Variants in ADGRB1 observed in about 807,000 individuals in gnomAD.
ADGRB1 encodes brain-specific angiogenesis inhibitor 1.
A neutral mutation model predicts 175.7 loss-of-function variants in ADGRB1; 36 were observed. The ratio of observed to expected loss-of-function variants is 0.20; its 90% CI spans 0.16 to 0.27. The LOEUF is 0.27. ADGRB1 is among the 10% of genes least tolerant of loss of function. ADGRB1 has a pLI of 1.00. For synonymous variants in ADGRB1, 1,054 were observed against 979.4 expected, an observed-to-expected ratio of 1.08 and a Z score of -1.42; for missense variants, 1,731 against 2,255.3, an observed-to-expected ratio of 0.77 and a Z score of 4.71.
rs559743266 is a variant in ADGRB1, at chr8:142,481,861, A to G, written c.2130+150A>G. The G allele has an allele frequency of 3.3e-4, 235 of 722,416 alleles. 3 individuals are homozygous for G. In the South Asian group the frequency reaches 4.6e-3, roughly 14 times the overall value. 44.8% of individuals were successfully genotyped at this position (722,416 alleles called of 1,614,324 possible). A position where few individuals can be genotyped will look rare whatever the true frequency, so the allele number is the denominator to read the frequency against. ...AACTCTGACCTTTGTCACACATTTAATCTTGGTCACACATTGAGCCCTGAC... is the reference window on the plus strand; with the variant it reads ...AACTCTGACCTTTGTCACACATTTAGTCTTGGTCACACATTGAGCCCTGAC... On this transcript the variant is annotated intron_variant, in intron 11 of 30. Coordinates refer to ENST00000517894, the MANE Select transcript of ADGRB1 (RefSeq NM_001702.3).
chr8:142,461,047 G>A (rs1227118719), intron 1 of ADGRB1, among the ~76,000 whole-genome samples: 2 of 152,212 alleles, frequency 1.3e-5, no homozygotes, highest in Non-Finnish European at 2.9e-5. Flanking sequence ...GGTGATACCA[G>A]GGCCCTAGGG....
At chr8:142,533,032 A>G (rs1427432639) in intron 24 of ADGRB1, among the ~76,000 whole-genome samples, 1 of 151,916 alleles carries the variant, frequency 6.6e-6, no homozygotes, top group East Asian at 1.9e-4. Context: ...GCCTGGGGCA[A>G]GGGCTTGAGA....
Position 142,526,503 on chromosome 8 carries a change from G to GGCCCCCCCCCCCC in ADGRB1, c.3313-39_3313-38insGCCCCCCCCCCCC. The GGCCCCCCCCCCCC allele has an allele frequency of 5.2e-5, 66 of 1,258,860 alleles. 1 individual carries two copies. Among genetic ancestry groups the GGCCCCCCCCCCCC allele is most frequent in the Middle Eastern group, 2.0e-4 (1 of 5,084 alleles). The allele number at this position is 1,258,860 out of a possible 1,614,324, so 78.0% of individuals were successfully genotyped here. A position where few individuals can be genotyped will look rare whatever the true frequency, so the allele number is the denominator to read the frequency against. On this transcript the variant is annotated intron_variant, in intron 23 of 30. Coordinates refer to ENST00000517894, the MANE Select transcript of ADGRB1 (RefSeq NM_001702.3). ...AGTGTCAGCCCCTGAGCCTACGGCG[G>GGCCCCCCCCCCCC]CCCCCACCCCCACACCCCCACCACT...
rs1400789695 is a variant in ADGRB1, at chr8:142,510,869, G to T, written c.2676-63G>T. On this transcript the variant is annotated intron_variant, in intron 17 of 30. Coordinates refer to ENST00000517894, the MANE Select transcript of ADGRB1 (RefSeq NM_001702.3). This position sits in a 1 kb window ranked among gnomAD's most constrained non-coding sequence, Gnocchi z 6.3. ...GGAGCCGCCGCTCGGGGGCCGGGGC[G>T]CCCGCGTCCCCGCCGCCGCTGACGC... 4 of 929,258 alleles carry T rather than the reference G, an allele frequency of 4.3e-6. No individual in the cohort carries two copies. Among genetic ancestry groups the T allele is most frequent in the Non-Finnish European group, 5.2e-6 (4 of 773,986 alleles). The allele number at this position is 929,258 out of a possible 1,614,324, so 57.6% of individuals were successfully genotyped here.
At chr8:142,473,583 C>A (rs1454998206) in intron 2 of ADGRB1, among the ~76,000 whole-genome samples, 2 of 152,238 alleles carry the variant, frequency 1.3e-5, no homozygotes, top group Non-Finnish European at 1.5e-5. Flanking sequence ...GCCCTGGAGG[C>A]CGTGCTGAGT....
In ADGRB1 at chr8:142,464,017, G is replaced by A. The variant is rs1340201561; in HGVS notation, c.-182G>A. 3 of 471,050 alleles carry A rather than the reference G, an allele frequency of 6.4e-6. No homozygotes were observed. Among genetic ancestry groups the A allele is most frequent in the Non-Finnish European group, 9.9e-6 (3 of 301,802 alleles). The allele number at this position is 471,050 out of a possible 1,614,324, so 29.2% of individuals were successfully genotyped here. A position where few individuals can be genotyped will look rare whatever the true frequency, so the allele number is the denominator to read the frequency against. On this transcript the variant is annotated 5_prime_UTR_variant, in exon 2 of 31. Coordinates refer to ENST00000517894, the MANE Select transcript of ADGRB1 (RefSeq NM_001702.3). ...GCCACAGGCTGGCACCAGGGCCCTG[G>A]ACTTTAGAAGCCGTTGCTGCCCTCT...
chr8:142,459,146 G>C (rs1370523916), intron 1 of ADGRB1, among the ~76,000 whole-genome samples: 1 of 152,232 alleles, frequency 6.6e-6, no homozygotes, highest in Non-Finnish European at 1.5e-5. Flanking sequence ...GGTCAGCCCG[G>C]CCTCAACCTT....
At chr8:142,517,412 C>T (rs1210080874) in intron 18 of ADGRB1, among the ~76,000 whole-genome samples, 1 of 152,228 alleles carries the variant, frequency 6.6e-6, no homozygotes, top group East Asian at 1.9e-4. Context: ...CAGAGGTGCC[C>T]TCCAGTGCGC....
rs1003332146 is a variant in ADGRB1, at chr8:142,488,612, G to A, written c.2452+105G>A. The A allele has an allele frequency of 2.3e-5, 33 of 1,422,060 alleles. No individual in the cohort carries two copies. The African/African-American group carries it at 3.7e-4, about 16-fold the overall frequency. 88.1% of individuals were successfully genotyped at this position (1,422,060 alleles called of 1,614,324 possible). A position where few individuals can be genotyped will look rare whatever the true frequency, so the allele number is the denominator to read the frequency against. ...TCTAGCTGCTGCCTCAGAGTTGGGC[G>A]GTTCTCAAGGGGGTCCTCTTTTCCA... is the stretch of plus-strand genomic sequence containing the variant. On this transcript the variant is annotated intron_variant, in intron 14 of 30. Transcript: ENST00000517894.
chr8:142,518,033 G>A, intron 18 of ADGRB1, 105 bp from the exon 19 acceptor site: 1 of 1,064,816 alleles, frequency 9.4e-7, no homozygotes, highest in Non-Finnish European at 1.4e-6. Flanking sequence ...GCCAAACGCT[G>A]GGGGTGTGAC....
intron 2 of ADGRB1, among the ~76,000 whole-genome samples, chr8:142,467,451 G>C (rs1840346276): frequency 6.6e-6 from 1 of 152,200 alleles, no homozygotes; most frequent in African/African-American, 2.4e-5. Context: ...TGTGGACATG[G>C]GCAGGGAACC....
At chr8:142,478,544 G>A (rs1340348833) in intron 7 of ADGRB1, among the ~76,000 whole-genome samples, 184 bp downstream of exon 7, 1 of 150,692 alleles carries the variant, frequency 6.6e-6, no homozygotes, top group African/African-American at 2.4e-5. Flanking sequence ...GCTGCAGGGT[G>A]AGTGAGGTGC....
At chr8:142,485,417 G>A (rs1172052015) in intron 13 of ADGRB1, among the ~76,000 whole-genome samples, 1 of 152,200 alleles carries the variant, frequency 6.6e-6, no homozygotes, top group Non-Finnish European at 1.5e-5. Context: ...CCCAGGAGTG[G>A]GTGCTGGCCC....
intron 1 of ADGRB1, among the ~76,000 whole-genome samples, chr8:142,453,419 C>T (rs1298973166): frequency 2.0e-5 from 3 of 152,196 alleles, no homozygotes; most frequent in Non-Finnish European, 4.4e-5. Context: ...CAACACCTGA[C>T]CCTCAGCAAA....
intron 16 of ADGRB1, among the ~76,000 whole-genome samples, chr8:142,490,215 A>G (rs1037759859): frequency 2.0e-5 from 3 of 152,198 alleles, no homozygotes; most frequent in African/African-American, 7.2e-5. Flanking sequence ...AGTGGGAACA[A>G]TAGGGCTGGG....
At chr8:142,488,851 C>T (rs1047424609) in intron 14 of ADGRB1, among the ~76,000 whole-genome samples, 184 bp from the exon 15 acceptor site, 3 of 152,208 alleles carry the variant, frequency 2.0e-5, no homozygotes, top group African/African-American at 4.8e-5. Flanking sequence ...GTGGCTGTTG[C>T]CCCAGCTCCC....
chr8:142,530,885 C>T (rs182669049), intron 24 of ADGRB1, among the ~76,000 whole-genome samples: 1 of 152,334 alleles, frequency 6.6e-6, no homozygotes, highest in East Asian at 1.9e-4. Flanking sequence ...CCTTCAGCAG[C>T]TCCCGGGCCT....
At chr8:142,462,895 C>T (rs948370603) in intron 1 of ADGRB1, among the ~76,000 whole-genome samples, 1 of 152,170 alleles carries the variant, frequency 6.6e-6, no homozygotes, top group Non-Finnish European at 1.5e-5. Flanking sequence ...GCCCGCTGGG[C>T]CCAGGGCAGC....
intron 17 of ADGRB1, among the ~76,000 whole-genome samples, chr8:142,501,156 G>C (rs570722335): frequency 1.3e-5 from 2 of 152,220 alleles, no homozygotes; most frequent in Non-Finnish European, 1.5e-5. Context: ...TGGAGGTGAC[G>C]CTGGTGACCA....
Sources: allele counts gnomAD v4.1 joint callset (sites outside exome capture counted in the v4.1 genomes callset), GRCh38; gene constraint gnomAD v4.1.1; non-coding constraint Gnocchi (gnomAD v3.1); transcripts MANE v1.5; gene names NCBI Gene and HGNC (gene_info 2026-07-23, HGNC 2026-07-21).